ZNF804B: variants seen among roughly 807,000 people sequenced by gnomAD.
ZNF804B encodes zinc finger protein 804B.
ZNF804B carries 80 observed loss-of-function variants against 101.4 expected under a neutral mutation model. The ratio of observed to expected loss-of-function variants is 0.79; its 90% CI spans 0.66 to 0.95. The LOEUF is 0.95. Ranked by LOEUF, ZNF804B falls within the 40% of genes least tolerant of loss-of-function variation. The pLI is 0.00. For missense variants in ZNF804B, 1,673 were observed against 1,561.9 expected (o/e 1.07, Z -1.20); for synonymous variants, 622 against 558.8 (o/e 1.11, Z -1.59).
chr7:88,786,197 G>C (rs965478666), intron 1 of ZNF804B, among the ~76,000 whole-genome samples: 4 of 152,028 alleles, frequency 2.6e-5, no homozygotes, highest in Admixed American at 2.6e-4. Context: ...TAGTGGGCAA[G>C]CTATTTCAAT....
chr7:88,894,338 C>A (rs1792255482), intron 1 of ZNF804B, among the ~76,000 whole-genome samples: 2 of 151,902 alleles, frequency 1.3e-5, no homozygotes, highest in African/African-American at 4.8e-5. Context: ...CTCAGCCTCC[C>A]AAGTAGCTGG....
intron 1 of ZNF804B, among the ~76,000 whole-genome samples, chr7:88,871,149 C>T (rs1267411316): frequency 1.3e-5 from 2 of 152,030 alleles, no homozygotes; most frequent in Non-Finnish European, 2.9e-5. Flanking sequence ...GAATTGTCTC[C>T]TGCAAATAGG....
At chr7:89,137,436 A>C (rs917887728) in intron 1 of ZNF804B, among the ~76,000 whole-genome samples, 1 of 152,072 alleles carries the variant, frequency 6.6e-6, no homozygotes, top group African/African-American at 2.4e-5. Flanking sequence ...GATGGAGATG[A>C]GGAATTTGTT....
chr7:88,841,716 G>T (rs1473584432), intron 1 of ZNF804B, among the ~76,000 whole-genome samples: 2 of 152,144 alleles, frequency 1.3e-5, no homozygotes, highest in Admixed American at 6.6e-5. Flanking sequence ...TTTGGTTGGT[G>T]TCAGAAGTAA....
intron 1 of ZNF804B, among the ~76,000 whole-genome samples, chr7:88,948,401 C>G (rs1262984633): frequency 6.8e-6 from 1 of 148,046 alleles, no homozygotes; most frequent in African/African-American, 2.5e-5. Flanking sequence ...GCCTCAACCT[C>G]CAAGGCTATG....
At chr7:89,144,250 T>C (rs1287426322) in intron 1 of ZNF804B, among the ~76,000 whole-genome samples, 1 of 152,046 alleles carries the variant, frequency 6.6e-6, no homozygotes, top group Non-Finnish European at 1.5e-5. Flanking sequence ...CATATATATG[T>C]CATTTCTATT....
At chr7:89,210,970 G>A (rs1788793340) in intron 1 of ZNF804B, among the ~76,000 whole-genome samples, 1 of 152,160 alleles carries the variant, frequency 6.6e-6, no homozygotes, top group Non-Finnish European at 1.5e-5. Flanking sequence ...CAGTGTAAAA[G>A]TATTCCTATT....
intron 1 of ZNF804B, among the ~76,000 whole-genome samples, chr7:89,109,444 C>A (rs1314977312): frequency 6.6e-6 from 1 of 152,186 alleles, no homozygotes; most frequent in Non-Finnish European, 1.5e-5. Context: ...AAGGTTTCTG[C>A]AAGCTGTCAA....
chr7:88,769,704 T>A (rs1790034481), intron 1 of ZNF804B, among the ~76,000 whole-genome samples: 1 of 152,210 alleles, frequency 6.6e-6, no homozygotes, highest in African/African-American at 2.4e-5. Context: ...GAGACAATAA[T>A]TCCCTGACCA....
rs548442973 is a variant in ZNF804B, at chr7:89,320,971, G to A, written c.250-6373G>A. Among the ~76,000 whole-genome samples, 6 of 152,104 alleles carry A rather than the reference G, an allele frequency of 3.9e-5. No individual in the cohort carries two copies. In the East Asian group the frequency reaches 9.7e-4, roughly 25 times the overall value. On this transcript the variant is annotated intron_variant, in intron 2 of 3. Coordinates refer to ENST00000333190, the MANE Select transcript of ZNF804B (RefSeq NM_181646.5). ...AAATGTATAAATAAAACAAGACAGA[G>A]TAAATATGTTAGGAAATACAAAAGT... is the stretch of plus-strand genomic sequence containing the variant.
intron 2 of ZNF804B, among the ~76,000 whole-genome samples, chr7:89,224,469 CT>C (rs565600221): frequency 1.3e-5 from 2 of 152,074 alleles, no homozygotes; most frequent in African/African-American, 4.8e-5. Flanking sequence ...ATCTAATTCC[CT>C]TTTTTTGTTT....
chr7:89,046,519 C>T (rs1024747403), intron 1 of ZNF804B, among the ~76,000 whole-genome samples: 49 of 152,264 alleles, frequency 3.2e-4, no homozygotes, highest in African/African-American at 1.1e-3. Context: ...AAAGGCCTCT[C>T]TTCTCTCATT....
intron 1 of ZNF804B, among the ~76,000 whole-genome samples, chr7:89,003,506 A>G (rs1042532350): frequency 3.3e-5 from 5 of 151,996 alleles, no homozygotes; most frequent in South Asian, 2.1e-4. Flanking sequence ...TGCAGTTCCT[A>G]GAAACTGAAG....
At chr7:89,068,875 T>C (rs1267425944) in intron 1 of ZNF804B, among the ~76,000 whole-genome samples, 2 of 152,158 alleles carry the variant, frequency 1.3e-5, no homozygotes, top group Non-Finnish European at 2.9e-5. Context: ...CAGATGGGTC[T>C]CCCTAAGCCT....
intron 1 of ZNF804B, among the ~76,000 whole-genome samples, chr7:89,107,231 A>G (rs1583990208): frequency 6.6e-6 from 1 of 152,024 alleles, no homozygotes; most frequent in Non-Finnish European, 1.5e-5. Flanking sequence ...TATTTAGAAT[A>G]ACTTTTTGAT....
At chr7:89,129,215 T>C (rs1469695542) in intron 1 of ZNF804B, among the ~76,000 whole-genome samples, 1 of 152,040 alleles carries the variant, frequency 6.6e-6, no homozygotes, top group Non-Finnish European at 1.5e-5. Flanking sequence ...GAATGGATCA[T>C]TATGGAAAGA....
rs1791068391 is a variant in ZNF804B at position 89,335,668 on chromosome 7, A to G, written c.2686A>G (p.Ile896Val). The change falls in exon 4 of 4, where the codon ATC becomes GTC. Residue 896 changes from isoleucine to valine, a missense_variant. Ile to Val is a conservative substitution (Grantham distance 29). Transcript: ENST00000333190. ...VRPMKCNSGN[I>V]SCLLKNCSSG... ...GCCCATGAAGTGTAACTCCGGGAAT[A>G]TCAGCTGCCTTCTAAAGAACTGTTC... 1.2e-6 allele frequency: 2 copies of G among 1,614,080 alleles called. No individual in the cohort carries two copies. Among genetic ancestry groups the G allele is most frequent in the Middle Eastern group, 1.6e-4 (1 of 6,062 alleles).
At chr7:88,837,185 A>G (rs1791225998) in intron 1 of ZNF804B, among the ~76,000 whole-genome samples, 1 of 151,984 alleles carries the variant, frequency 6.6e-6, no homozygotes, top group Admixed American at 6.6e-5. Flanking sequence ...TGTAAAGAGT[A>G]ACTGACAGAC....
chr7:88,963,346 G>A (rs1793414017), intron 1 of ZNF804B, among the ~76,000 whole-genome samples: 1 of 151,224 alleles, frequency 6.6e-6, no homozygotes, highest in South Asian at 2.1e-4. Flanking sequence ...AGAACAGAGA[G>A]CACGAAAGTA....
Sources: gnomAD v4.1 joint callset for allele counts (sites outside exome capture counted in the v4.1 genomes callset) on GRCh38, gnomAD v4.1.1 for gene constraint, MANE v1.5 for transcripts, NCBI Gene and HGNC (gene_info 2026-07-23, HGNC 2026-07-21) for gene names.